COBLL1: variants seen among roughly 807,000 people sequenced by gnomAD.
The protein encoded by COBLL1 is cordon-bleu WH2 repeat protein like 1, also known as cordon-bleu protein-like 1.
COBLL1 carries 50 observed loss-of-function variants against 94.8 expected under a neutral mutation model. The observed-to-expected ratio is 0.53, with a 90% CI of 0.42 to 0.67. The LOEUF (loss-of-function observed/expected upper bound fraction) is 0.67, where lower values mean the gene tolerates loss of function less well. Among genes scored for constraint, COBLL1 ranks in the 30% least tolerant of loss-of-function variants. The pLI, the probability that COBLL1 is intolerant of heterozygous loss-of-function variation, is 0.00. For synonymous variants in COBLL1, 448 were observed against 473.8 expected, an observed-to-expected ratio of 0.95 and a Z score of 0.71; for missense variants, 1,362 against 1,348.7, an observed-to-expected ratio of 1.01 and a Z score of -0.15.
At chr2:164,828,492 AT>A (rs1376358850) in intron 2 of COBLL1, among the ~76,000 whole-genome samples, 2 of 152,224 alleles carry the variant, frequency 1.3e-5, no homozygotes, top group African/African-American at 2.4e-5. Context: ...TAGAAAAAAA[AT>A]AAAGCTCTTT....
intron 2 of COBLL1, among the ~76,000 whole-genome samples, chr2:164,748,089 T>G (rs72880638): frequency 0.016 from 2,448 of 152,214 alleles, 26 homozygotes; most frequent in South Asian, 0.028. Context: ...ACTCAGGTCT[T>G]GAAAGAAAAG....
chr2:164,711,884 G>A (rs967962806), intron 7 of COBLL1, among the ~76,000 whole-genome samples: 1 of 152,146 alleles, frequency 6.6e-6, no homozygotes, highest in African/African-American at 2.4e-5. Flanking sequence ...ATTTACTTTA[G>A]TTAGAGTCAC....
intron 1 of COBLL1, among the ~76,000 whole-genome samples, chr2:164,672,035 A>G (rs1236005661): frequency 6.6e-6 from 1 of 152,216 alleles, no homozygotes; most frequent in Admixed American, 6.5e-5. Context: ...CATAAAATGT[A>G]TTGATAGAGG....
intron 2 of COBLL1, among the ~76,000 whole-genome samples, chr2:164,803,011 TA>T (rs1683890869): frequency 6.6e-6 from 1 of 152,198 alleles, no homozygotes; most frequent in African/African-American, 2.4e-5. Flanking sequence ...TAGATTGCAA[TA>T]TATAGATTTT....
At chr2:164,703,871 C>A (rs1684446960) in intron 9 of COBLL1, among the ~76,000 whole-genome samples, 1 of 152,036 alleles carries the variant, frequency 6.6e-6, no homozygotes, top group Non-Finnish European at 1.5e-5. Flanking sequence ...AGAAAAGCTA[C>A]TAAGTAGCTA....
intron 2 of COBLL1, among the ~76,000 whole-genome samples, chr2:164,764,139 C>T (rs1687826104): frequency 6.6e-6 from 1 of 152,156 alleles, no homozygotes; most frequent in Non-Finnish European, 1.5e-5. Context: ...CTCAAACAAC[C>T]CTCCTGCCTT....
In COBLL1 at chr2:164,711,293, TA is replaced by T. The variant is rs1423444325; in HGVS notation, c.997-6189del. Among the ~76,000 whole-genome samples, 5 of 152,230 alleles carry T rather than the reference TA, an allele frequency of 3.3e-5. No homozygotes were observed. In the South Asian group the frequency reaches 6.2e-4, roughly 19 times the overall value. On this transcript the variant is annotated intron_variant, in intron 7 of 13. Transcript: ENST00000652658. ...TACATGCAATTTGTCTGTTTTAAAG[TA>T]CATGAAAGTGTTCTGCAAATAAAAT... is the stretch of plus-strand genomic sequence containing the variant.
At chr2:164,691,454 C>T (rs904542485) in intron 13 of COBLL1, among the ~76,000 whole-genome samples, 8 of 152,080 alleles carry the variant, frequency 5.3e-5, no homozygotes, top group Admixed American at 1.3e-4. Context: ...GTCTTAGATG[C>T]GGAGGTGCTT....
At chr2:164,761,858 C>A (rs1687699169) in intron 2 of COBLL1, among the ~76,000 whole-genome samples, 1 of 152,202 alleles carries the variant, frequency 6.6e-6, no homozygotes, top group African/African-American at 2.4e-5. Context: ...ACAATTTTCA[C>A]ATTTATATTA....
chr2:164,779,254 A>G (rs1243766706), intron 2 of COBLL1, among the ~76,000 whole-genome samples: 1 of 152,122 alleles, frequency 6.6e-6, no homozygotes, highest in African/African-American at 2.4e-5. Flanking sequence ...ATTACCATAG[A>G]TCACAGGTTC....
chr2:164,784,924 C>T (rs1028080890), intron 2 of COBLL1, among the ~76,000 whole-genome samples: 3 of 151,894 alleles, frequency 2.0e-5, no homozygotes, highest in Admixed American at 1.3e-4. Context: ...CTAATGTGAC[C>T]GTGTTGGGAG....
At chr2:164,769,794 C>CA (rs1220176418) in intron 2 of COBLL1, among the ~76,000 whole-genome samples, 1 of 151,972 alleles carries the variant, frequency 6.6e-6, no homozygotes, top group East Asian at 1.9e-4. Flanking sequence ...CATATACCCC[C>CA]CCCAGAGCAA....
intron 1 of COBLL1, among the ~76,000 whole-genome samples, chr2:164,673,160 G>C (rs567864953): frequency 2.0e-5 from 3 of 152,202 alleles, no homozygotes; most frequent in African/African-American, 7.2e-5. Flanking sequence ...TACTGAAATA[G>C]TGAAATTTGT....
intron 3 of COBLL1, among the ~76,000 whole-genome samples, chr2:164,733,093 T>A (rs1686105934): frequency 6.6e-6 from 1 of 152,174 alleles, no homozygotes; most frequent in Non-Finnish European, 1.5e-5. Context: ...CAAAAAATTA[T>A]TAAAGTTTTG....
chr2:164,791,915 T>C (rs912686491), intron 2 of COBLL1, among the ~76,000 whole-genome samples: 1 of 151,960 alleles, frequency 6.6e-6, no homozygotes, highest in African/African-American at 2.4e-5. Context: ...TTTCCTGTTT[T>C]CTGAAACTAA....
chr2:164,784,155 C>A (rs762764064), intron 2 of COBLL1, among the ~76,000 whole-genome samples: 14 of 152,126 alleles, frequency 9.2e-5, no homozygotes. Flanking sequence ...TAGATTCTCT[C>A]ATTTCAAAGT....
chr2:164,747,969 C>T (rs1355826117), intron 2 of COBLL1, among the ~76,000 whole-genome samples: 1 of 152,024 alleles, frequency 6.6e-6, no homozygotes, highest in African/African-American at 2.4e-5. Context: ...AAAGAAGGGT[C>T]ATCAAACAGA....
At chr2:164,834,100 G>C (rs1316388825) in intron 2 of COBLL1, among the ~76,000 whole-genome samples, 1 of 152,092 alleles carries the variant, frequency 6.6e-6, no homozygotes, top group African/African-American at 2.4e-5. Flanking sequence ...ATAAAAAAAA[G>C]TCTCATAACA....
chr2:164,818,717 A>ATATATATATGTACTTATGTAAACATATAG (rs1226826026), intron 2 of COBLL1, among the ~76,000 whole-genome samples: 8 of 80,090 alleles, frequency 1.0e-4, no homozygotes, highest in East Asian at 2.5e-4. Context: ...CATATATAGT[A>ATATATATATGTACTTATGTAAACATATAG]TATATATATG....
Sources: allele counts gnomAD v4.1 joint callset (sites outside exome capture counted in the v4.1 genomes callset), GRCh38; gene constraint gnomAD v4.1.1; transcripts MANE v1.5; gene names NCBI Gene and HGNC (gene_info 2026-07-23, HGNC 2026-07-21).